OTOGL: variants seen among roughly 807,000 people sequenced by gnomAD.
OTOGL encodes the protein otogelin like.
Under a neutral mutation model 318.5 loss-of-function variants are expected in OTOGL, and 285 were observed. That is an observed-to-expected ratio of 0.89 (90% CI 0.81 to 0.99). The LOEUF (loss-of-function observed/expected upper bound fraction) is 0.99, where lower values mean the gene tolerates loss of function less well. OTOGL is among the 50% of genes least tolerant of loss of function. The pLI is 0.00. For synonymous variants in OTOGL, 987 were observed against 936.5 expected, an observed-to-expected ratio of 1.05 and a Z score of -0.99; for missense variants, 2,899 against 2,845.6, an observed-to-expected ratio of 1.02 and a Z score of -0.43.
chr12:80,258,420 T>C (rs1196447229), intron 18 of OTOGL, among the ~76,000 whole-genome samples: 1 of 152,136 alleles, frequency 6.6e-6, no homozygotes, highest in Non-Finnish European at 1.5e-5. Context: ...GCATTAGTGG[T>C]AGTAAATACT....
At chr12:80,373,227 A>C (rs534876300) in intron 57 of OTOGL, among the ~76,000 whole-genome samples, 77 of 152,146 alleles carry the variant, frequency 5.1e-4, no homozygotes, top group African/African-American at 1.7e-3. Flanking sequence ...AGGTCAGAAG[A>C]TCGAGACCAT....
chr12:80,105,774 C>T (rs1339580497), intron 1 of OTOGL, among the ~76,000 whole-genome samples: 2 of 152,136 alleles, frequency 1.3e-5, no homozygotes, highest in South Asian at 2.1e-4. Flanking sequence ...AAATTGGTAT[C>T]CCCGGCATGA....
chr12:80,116,945 G>A (rs955860823), intron 1 of OTOGL, among the ~76,000 whole-genome samples: 1 of 152,118 alleles, frequency 6.6e-6, no homozygotes, highest in Non-Finnish European at 1.5e-5. Context: ...TTGTGCTTCT[G>A]TACACTGTGA....
At chr12:80,146,925 T>A (rs542271864) in intron 1 of OTOGL, among the ~76,000 whole-genome samples, 2 of 152,358 alleles carry the variant, frequency 1.3e-5, no homozygotes, top group Non-Finnish European at 2.9e-5. Context: ...CATTTTTTAT[T>A]GTATCTATTT....
At chr12:80,256,223 T>G in intron 16 of OTOGL, 114 bp from the exon 17 acceptor site, 2 of 1,216,918 alleles carry the variant, frequency 1.6e-6, no homozygotes, top group Non-Finnish European at 2.2e-6. Flanking sequence ...TTCTTTTTTG[T>G]TCTCTCCTCT....
At chr12:80,308,559 C>T (rs1016638989) in intron 29 of OTOGL, among the ~76,000 whole-genome samples, 3 of 151,750 alleles carry the variant, frequency 2.0e-5, no homozygotes, top group Non-Finnish European at 4.4e-5. Flanking sequence ...ACTTCCCAGA[C>T]GGGGTGGCGG....
At position 80,353,430 on chromosome 12, in the gene OTOGL, T is replaced by A; in HGVS notation, c.5513T>A (p.Leu1838Gln). Residue 1838 changes from leucine (L) to glutamine (Q), a missense_variant, in exon 46 of 59, where the codon CTA (leucine) becomes CAA (glutamine). By Grantham distance (113) the Leu-to-Gln change is moderately radical (BLOSUM62 -2). This residue lies in a region of OTOGL where 2,607 missense variants were observed against 2,524.9 expected (regional missense o/e 1.03). Transcript: ENST00000547103. ...TATGGACACACTTCCTGTTTGAATC[T>A]AAGAGAAGACTGTGTGTGCAAAGTT... ...WFYGHTSCLN[L>Q]REDCVCKVGT... 1 of 1,604,078 alleles carries A rather than the reference T, an allele frequency of 6.2e-7. No individual in the cohort carries two copies. The highest frequency in any genetic ancestry group is 8.5e-7 in the Non-Finnish European group (1 of 1,174,752).
intron 26 of OTOGL, among the ~76,000 whole-genome samples, chr12:80,280,569 T>A (rs867674678): frequency 1.2e-4 from 19 of 152,058 alleles, no homozygotes; most frequent in Middle Eastern, 3.4e-3. Context: ...TCCTCATTGC[T>A]TATTATTGTC....
At position 80,336,913 on chromosome 12, in the gene OTOGL, C is replaced by T; in HGVS notation, c.4769C>T (p.Ala1590Val). The T allele has an allele frequency of 2.5e-6, 4 of 1,578,510 alleles. No homozygotes were observed. Among genetic ancestry groups the T allele is most frequent in the Non-Finnish European group, 3.4e-6 (4 of 1,160,118 alleles). ...AGTTTTAATTTTTTTCAAATTAAGG[C>T]TCCCTCTGGAAGAATCTCTGGACTT... ...NQNGNSLKKL[A>V]PSGRISGLCF... Residue 1590 changes from alanine (A) to valine (V), a missense_variant and splice_region_variant, in exon 42 of 59, where the codon GCT (alanine) becomes GTT (valine). This residue lies in a region of OTOGL where 2,607 missense variants were observed against 2,524.9 expected (regional missense o/e 1.03). Transcript: ENST00000547103.
chr12:80,335,857 G>A (rs1305240089), intron 38 of OTOGL, 106 bp from the exon 39 acceptor site: 1 of 1,015,966 alleles, frequency 9.8e-7, no homozygotes, highest in Non-Finnish European at 1.3e-6. Flanking sequence ...AAAAGTTTTT[G>A]TATTCAATAA....
chr12:80,229,802 G>A (rs941125891), intron 8 of OTOGL, among the ~76,000 whole-genome samples: 10 of 152,066 alleles, frequency 6.6e-5, no homozygotes, highest in African/African-American at 2.2e-4. Flanking sequence ...GATTCTGGAA[G>A]TTCTTTCCAA....
intron 44 of OTOGL, among the ~76,000 whole-genome samples, chr12:80,351,456 C>T (rs1177272699): frequency 1.3e-5 from 2 of 152,090 alleles, no homozygotes; most frequent in African/African-American, 2.4e-5. Context: ...GCTGGGATTA[C>T]AGGCACGCGC....
chr12:80,356,310 T>C, intron 47 of OTOGL, 106 bp from the exon 48 acceptor site: 2 of 821,732 alleles, frequency 2.4e-6, no homozygotes, highest in Non-Finnish European at 3.9e-6. Context: ...GAGAGTCATT[T>C]CCCGTCTTTG....
intron 1 of OTOGL, among the ~76,000 whole-genome samples, chr12:80,140,948 A>G (rs1186505358): frequency 6.6e-6 from 1 of 152,130 alleles, no homozygotes; most frequent in East Asian, 1.9e-4. Flanking sequence ...TGTTCAACTA[A>G]CTTACCAAAT....
At chr12:80,364,662 G>A (rs1477907785) in intron 52 of OTOGL, among the ~76,000 whole-genome samples, 1 of 152,000 alleles carries the variant, frequency 6.6e-6, no homozygotes, top group African/African-American at 2.4e-5. Flanking sequence ...AAAGAGAATT[G>A]TATAATATGT....
At position 80,210,374 on chromosome 12, in the gene OTOGL, T is replaced by C. The variant is rs555528633; in HGVS notation, c.80-473T>C. 2.0e-5 allele frequency among the ~76,000 whole-genome samples: 3 copies of C among 152,200 alleles called. No individual in the cohort carries two copies. In the East Asian group the frequency reaches 5.8e-4, roughly 29 times the overall value. ...GAGCTTGTAGGGGAAATTGGAGAAATTGCTTAAGTATAAAAGACCACAGAG... is the reference window on the plus strand; with the variant it reads ...GAGCTTGTAGGGGAAATTGGAGAAACTGCTTAAGTATAAAAGACCACAGAG... On this transcript the variant is annotated intron_variant, in intron 2 of 58. Coordinates refer to ENST00000547103, the MANE Select transcript of OTOGL (RefSeq NM_001378609.3).
intron 1 of OTOGL, among the ~76,000 whole-genome samples, chr12:80,170,761 GT>G (rs1383071773): frequency 6.6e-6 from 1 of 152,036 alleles, no homozygotes; most frequent in Non-Finnish European, 1.5e-5. Flanking sequence ...AGTTTTGAGA[GT>G]TTCTTTTTTA....
intron 1 of OTOGL, among the ~76,000 whole-genome samples, chr12:80,157,069 G>T (rs753833803): frequency 8.6e-5 from 13 of 151,974 alleles, no homozygotes; most frequent in Non-Finnish European, 1.5e-4. Flanking sequence ...AGTGTGCAAG[G>T]GTTCCCTTTT....
At chr12:80,328,972 TA>T in intron 36 of OTOGL, 78 bp from the exon 37 acceptor site, 1 of 1,316,340 alleles carries the variant, frequency 7.6e-7, no homozygotes, top group Non-Finnish European at 1.0e-6. Context: ...TCCTTGAAGC[TA>T]AAGAGTCCTC....
Sources: allele counts gnomAD v4.1 joint callset (sites outside exome capture counted in the v4.1 genomes callset), GRCh38; gene constraint gnomAD v4.1.1; regional missense constraint gnomAD v4.1.1; transcripts MANE v1.5; gene names NCBI Gene and HGNC (gene_info 2026-07-23, HGNC 2026-07-21).